The following TGFBI variants were observed in gnomAD, a reference collection of about 807,000 sequenced individuals.
The protein encoded by TGFBI is transforming growth factor beta induced.
TGFBI carries 50 observed loss-of-function variants against 73.7 expected under a neutral mutation model. That is an observed-to-expected ratio of 0.68 (90% CI 0.54 to 0.86). TGFBI has a LOEUF of 0.86. Among genes scored for constraint, TGFBI ranks in the 40% least tolerant of loss-of-function variants. The probability of loss-of-function intolerance (pLI) is 0.00; values close to 1 mark genes in which losing one functional copy is unlikely to be tolerated. For missense variants in TGFBI, 839 were observed against 877.0 expected, an observed-to-expected ratio of 0.96 and a Z score of 0.55; for synonymous variants, 362 against 360.5, an observed-to-expected ratio of 1.00 and a Z score of -0.05.
At chr5:136,045,401 T>G (rs1751410461) in intron 3 of TGFBI, among the ~76,000 whole-genome samples, 1 of 151,924 alleles carries the variant, frequency 6.6e-6, no homozygotes, top group South Asian at 2.1e-4. Flanking sequence ...AAAAATTAGC[T>G]GGGTGTGGTG....
At chr5:136,054,213 G>A in intron 9 of TGFBI, 133 bp downstream of exon 9, 1 of 1,273,246 alleles carries the variant, frequency 7.9e-7, no homozygotes, top group Non-Finnish European at 1.1e-6. Context: ...ACCAAAAGCA[G>A]ATGTGACTTC....
intron 2 of TGFBI, among the ~76,000 whole-genome samples, chr5:136,038,950 T>C (rs1469989607): frequency 6.6e-6 from 1 of 152,202 alleles, no homozygotes; most frequent in Non-Finnish European, 1.5e-5. Flanking sequence ...GTAAGATAAT[T>C]TGCATGATCT....
intron 3 of TGFBI, among the ~76,000 whole-genome samples, chr5:136,045,219 T>C (rs1433546885): frequency 6.6e-6 from 1 of 152,084 alleles, no homozygotes; most frequent in Non-Finnish European, 1.5e-5. Flanking sequence ...CAGCAGCCCG[T>C]GCAACATAGT....
At position 136,054,836 on chromosome 5, in the gene TGFBI, A is replaced by C. The variant is rs199862235; in HGVS notation, c.1385A>C (p.Lys462Thr). 3.2e-5 allele frequency: 52 copies of C among 1,613,866 alleles called. No individual in the cohort carries two copies. The African/African-American group carries it at 6.5e-4, about 20-fold the overall frequency. ...GQTLETLGGK[K>T]LRVFVYRNSL... ...ACCCTGGAAACTCTGGGCGGCAAAA[A>C]ACTGAGAGTTTTTGTTTATCGTAAT... Residue 462 changes from lysine (K) to threonine (T), a missense_variant, in exon 10 of 17, where the codon AAA becomes ACA. Transcript: ENST00000442011.
At chr5:136,041,090 G>T (rs1440039403) in intron 2 of TGFBI, among the ~76,000 whole-genome samples, 2 of 152,226 alleles carry the variant, frequency 1.3e-5, no homozygotes, top group Non-Finnish European at 2.9e-5. Flanking sequence ...ATTTGTTGGG[G>T]CAGTTGGAGG....
intron 7 of TGFBI, among the ~76,000 whole-genome samples, chr5:136,050,888 A>G (rs1751521361): frequency 6.6e-6 from 1 of 152,182 alleles, no homozygotes; most frequent in Admixed American, 6.5e-5. Context: ...CACTGGGGAC[A>G]GAGGCCATGA....
rs754249841 is a variant in TGFBI at position 136,033,716 on chromosome 5, G to T, written c.135-47G>T. 23 of 1,527,480 alleles carry T rather than the reference G, an allele frequency of 1.5e-5. No homozygotes were observed. In the East Asian group the frequency reaches 5.2e-4, roughly 35 times the overall value. 94.6% of individuals were successfully genotyped at this position (1,527,480 alleles called of 1,614,324 possible). On this transcript the variant is annotated intron_variant, in intron 1 of 16. Transcript: ENST00000442011. ...AACACGATGGGAGTCATTAAAGTGG[G>T]GTGGACGTGCTGATCATCTTCCTAA...
intron 7 of TGFBI, among the ~76,000 whole-genome samples, chr5:136,051,738 A>T (rs1012576275): frequency 2.0e-5 from 3 of 152,174 alleles, no homozygotes; most frequent in Non-Finnish European, 4.4e-5. Context: ...CTCACCCTCC[A>T]AGTGGCCCTG....
At chr5:136,033,137 C>T (rs1416296544) in intron 1 of TGFBI, among the ~76,000 whole-genome samples, 4 of 152,140 alleles carry the variant, frequency 2.6e-5, no homozygotes, top group African/African-American at 7.2e-5. Flanking sequence ...CCCACCTCCC[C>T]GCATCACTTA....
intron 2 of TGFBI, among the ~76,000 whole-genome samples, chr5:136,040,865 G>A (rs1033066210): frequency 1.3e-5 from 2 of 152,172 alleles, no homozygotes; most frequent in African/African-American, 2.4e-5. Flanking sequence ...CCATGCCTCT[G>A]TGATTGCTCC....
intron 6 of TGFBI, chr5:136,049,069 G>A (rs777047093): frequency 1.5e-5 from 3 of 206,236 alleles, no homozygotes; most frequent in South Asian, 1.0e-4. Context: ...TTTGTCTGGC[G>A]GTGAGATGGG....
intron 2 of TGFBI, among the ~76,000 whole-genome samples, chr5:136,038,552 T>C (rs1242136862): frequency 4.1e-5 from 6 of 145,140 alleles, no homozygotes; most frequent in African/African-American, 1.5e-4. Flanking sequence ...CCCCCTCTAG[T>C]AAAAAAAAAA....
chr5:136,041,398 T>C (rs1253814396), intron 2 of TGFBI, among the ~76,000 whole-genome samples: 1 of 152,164 alleles, frequency 6.6e-6, no homozygotes, highest in Admixed American at 6.5e-5. Context: ...GGGACATGGG[T>C]GCTGAAAGAC....
chr5:136,038,976 G>A (rs893077659), intron 2 of TGFBI, among the ~76,000 whole-genome samples: 1 of 152,168 alleles, frequency 6.6e-6, no homozygotes, highest in African/African-American at 2.4e-5. Flanking sequence ...CACTAAATTT[G>A]TGGTAATTTG....
At chr5:136,056,040 C>T (rs756646498) in intron 11 of TGFBI, among the ~76,000 whole-genome samples, 1 of 152,162 alleles carries the variant, frequency 6.6e-6, no homozygotes, top group Non-Finnish European at 1.5e-5. Flanking sequence ...TCTTCACATG[C>T]ATGGGAAGCA....
Position 136,059,110 on chromosome 5 carries a change from A to G in TGFBI, c.1699A>G (p.Asn567Asp). 6.2e-7 allele frequency: 1 copy of G among 1,611,638 alleles called. No homozygotes were observed. The change falls in exon 13 of 17, where the codon AAC becomes GAC. Residue 567 changes from asparagine (N) to aspartate (D), a missense_variant. Physicochemically the swap from Asn to Asp is conservative, Grantham distance 23. Transcript: ENST00000442011. ...TGCAGGAGATGCCAAGGAACTTGCC[A>G]ACATCCTGAAATACCACATTGGTGA... ...RLLGDAKELA[N>D]ILKYHIGDEI...
chr5:136,033,626 C>T, intron 1 of TGFBI, 137 bp from the exon 2 acceptor site: 1 of 690,716 alleles, frequency 1.4e-6, no homozygotes, highest in South Asian at 1.9e-5. Context: ...CAAGATATCC[C>T]CAGTACCAAG....
At chr5:136,029,929 T>C (rs1751087400) in intron 1 of TGFBI, among the ~76,000 whole-genome samples, 1 of 152,150 alleles carries the variant, frequency 6.6e-6, no homozygotes, top group Non-Finnish European at 1.5e-5. Context: ...GACACTATCA[T>C]TGCAGGAATT....
chr5:136,047,466 C>T lies in TGFBI; in HGVS notation c.771+46C>T, dbSNP rs779702582. ...GAGGCCCAGGCTTGGGACACATTGC[C>T]TCCCAAGAGGGGCCTAGCAGGAACT... On this transcript the variant is annotated intron_variant, in intron 6 of 16. Coordinates refer to ENST00000442011, the MANE Select transcript of TGFBI (RefSeq NM_000358.3). The T allele has an allele frequency of 4.3e-6, 7 of 1,610,034 alleles. No individual in the cohort carries two copies. The African/African-American group carries it at 8.0e-5, about 18-fold the overall frequency.
Sources: gnomAD v4.1 joint callset for allele counts (sites outside exome capture counted in the v4.1 genomes callset) on GRCh38, gnomAD v4.1.1 for gene constraint, MANE v1.5 for transcripts, NCBI Gene and HGNC (gene_info 2026-07-23, HGNC 2026-07-21) for gene names.